RNLS: variants seen among roughly 807,000 people sequenced by gnomAD.
The protein encoded by RNLS is renalase, FAD dependent amine oxidase, also known as renalase.
A neutral mutation model predicts 39.8 loss-of-function variants in RNLS; 39 were observed. That is an observed-to-expected ratio of 0.98 (90% confidence interval 0.76 to 1.28). RNLS has a LOEUF of 1.28. Ranked by LOEUF, RNLS falls within the 50% of genes most tolerant of loss-of-function variation. RNLS has a pLI of 0.00. For missense variants in RNLS, 410 were observed against 413.3 expected (o/e 0.99, Z 0.07); for synonymous variants, 147 against 150.7 (o/e 0.98, Z 0.18).
chr10:88,513,243 A>G (rs1846234755), intron 4 of RNLS, among the ~76,000 whole-genome samples: 1 of 152,116 alleles, frequency 6.6e-6, no homozygotes, highest in African/African-American at 2.4e-5. Flanking sequence ...ATTTCACTTC[A>G]TAATATATCT....
intron 6 of RNLS, among the ~76,000 whole-genome samples, chr10:88,296,642 G>A (rs953551724): frequency 2.6e-5 from 4 of 152,210 alleles, no homozygotes; most frequent in Middle Eastern, 3.4e-3. Context: ...GACAATAATG[G>A]AGAATAAAAA....
At chr10:88,511,970 T>C (rs1163572953) in intron 4 of RNLS, among the ~76,000 whole-genome samples, 2 of 152,200 alleles carry the variant, frequency 1.3e-5, no homozygotes, top group African/African-American at 2.4e-5. Context: ...AAACTGCTAT[T>C]GTGGATATTT....
chr10:88,542,547 G>A (rs1230047106), intron 4 of RNLS, among the ~76,000 whole-genome samples: 1 of 152,140 alleles, frequency 6.6e-6, no homozygotes, highest in Non-Finnish European at 1.5e-5. Context: ...CACAGAAAAG[G>A]TTAAATGATT....
intron 5 of RNLS, chr10:88,343,788 CTG>C: frequency 1.0e-6 from 1 of 985,374 alleles, no homozygotes. Flanking sequence ...GATTTTCAGT[CTG>C]TTGCAGCTTT....
chr10:88,336,608 G>A (rs568496326), intron 5 of RNLS, among the ~76,000 whole-genome samples: 1 of 152,210 alleles, frequency 6.6e-6, no homozygotes, highest in Non-Finnish European at 1.5e-5. Context: ...TACAAGTTTA[G>A]GAAATAATCT....
rs540314038 is a variant in RNLS at position 88,464,747 on chromosome 10, G to A, written c.527-102022C>T. 3.0e-5 allele frequency among the ~76,000 whole-genome samples: 4 copies of A among 134,132 alleles called. No homozygotes were observed. In the South Asian group the frequency reaches 7.5e-4, roughly 25 times the overall value. The allele number at this position is 134,132 out of a possible 152,430, so 88.0% of individuals were successfully genotyped here. On this transcript the variant is annotated intron_variant, in intron 4 of 6. Coordinates refer to ENST00000331772, the MANE Select transcript of RNLS (RefSeq NM_001031709.3). ...CTCCTCAAGTCATAAAACACTAACA[G>A]CAAAGAACTGAAAAAAAAATGTGCA...
chr10:88,344,761 A>G lies in RNLS; in HGVS notation c.700+17791T>C, dbSNP rs539203714. The stretch of plus-strand genomic sequence containing the variant: ...ATAGAAATCTATTTTAGTGAGGAAA[A>G]CTATATTTTAAATTCAAGGATGCTT... On this transcript the variant is annotated intron_variant, in intron 5 of 6. Coordinates refer to ENST00000331772, the MANE Select transcript of RNLS (RefSeq NM_001031709.3). Among the ~76,000 whole-genome samples the G allele has an allele frequency of 5.9e-5, 9 of 152,252 alleles. No individual in the cohort carries two copies. In the South Asian group the frequency reaches 1.2e-3, roughly 21 times the overall value.
the RNLS span, among the ~76,000 whole-genome samples, chr10:88,182,384 T>G: frequency 6.6e-6 from 1 of 152,298 alleles, no homozygotes; most frequent in Admixed American, 6.5e-5. Flanking sequence ...ATTTAACATT[T>G]TGGCTGTTTA....
intron 4 of RNLS, among the ~76,000 whole-genome samples, chr10:88,523,195 CT>C (rs1264397353): frequency 6.6e-6 from 1 of 152,012 alleles, no homozygotes; most frequent in African/African-American, 2.4e-5. Context: ...CTCAAGATTC[CT>C]TAAAGGGAGG....
chr10:88,535,678 T>C (rs1334506617), intron 4 of RNLS, among the ~76,000 whole-genome samples: 1 of 152,042 alleles, frequency 6.6e-6, no homozygotes, highest in Non-Finnish European at 1.5e-5. Context: ...CAGCTGAAGT[T>C]TGGGTCAGGG....
chr10:88,566,953 A>G (rs58724830), intron 4 of RNLS, among the ~76,000 whole-genome samples: 2,005 of 152,230 alleles, frequency 0.013, 47 homozygotes, highest in African/African-American at 0.045. Context: ...AAAAAATATA[A>G]AAGAGATGGC....
At chr10:88,217,597 C>T in the RNLS span, among the ~76,000 whole-genome samples, 1 of 152,002 alleles carries the variant, frequency 6.6e-6, no homozygotes, top group Admixed American at 6.6e-5. Context: ...CAGAGGGTCT[C>T]AGCTAGAAAG....
intron 5 of RNLS, among the ~76,000 whole-genome samples, chr10:88,359,148 A>T (rs1849430511): frequency 6.6e-6 from 1 of 152,058 alleles, no homozygotes; most frequent in African/African-American, 2.4e-5. Context: ...CCCCGTCTCT[A>T]CTACAAGTAC....
At chr10:88,522,625 T>C (rs937264595) in intron 4 of RNLS, among the ~76,000 whole-genome samples, 1 of 152,004 alleles carries the variant, frequency 6.6e-6, no homozygotes, top group Admixed American at 6.6e-5. Flanking sequence ...TCTATAAGGG[T>C]ACTTATTAGG....
intron 4 of RNLS, among the ~76,000 whole-genome samples, chr10:88,472,149 G>T (rs755543967): frequency 1.3e-5 from 2 of 152,186 alleles, no homozygotes; most frequent in African/African-American, 2.4e-5. Context: ...AATAACCCAG[G>T]CCTGCTGAGT....
chr10:88,203,456 G>GTATGTGTATA, the RNLS span, among the ~76,000 whole-genome samples: 2 of 1,210 alleles, frequency 1.7e-3, no homozygotes, highest in East Asian at 0.017. Context: ...GTGTGTGTGT[G>GTATGTGTATA]TATATATATA....
At chr10:88,308,699 G>C (rs1845124893) in intron 6 of RNLS, among the ~76,000 whole-genome samples, 1 of 152,178 alleles carries the variant, frequency 6.6e-6, no homozygotes, top group Non-Finnish European at 1.5e-5. Flanking sequence ...AACCATTGTG[G>C]AAGACAGTGT....
At chr10:88,309,424 G>C (rs772289148) in intron 6 of RNLS, 116 of 1,289,570 alleles carry the variant, frequency 9.0e-5, no homozygotes, top group Non-Finnish European at 1.1e-4. Flanking sequence ...GTAAACGTAC[G>C]GGTGGTCTCA....
intron 4 of RNLS, among the ~76,000 whole-genome samples, chr10:88,378,058 G>T (rs1044766214): frequency 6.6e-6 from 1 of 151,726 alleles, no homozygotes; most frequent in Admixed American, 6.6e-5. Flanking sequence ...GGTCAGGGTC[G>T]TCAATATCAC....
Sources: allele counts gnomAD v4.1 joint callset (sites outside exome capture counted in the v4.1 genomes callset), GRCh38; gene constraint gnomAD v4.1.1; transcripts MANE v1.5; gene names NCBI Gene and HGNC (gene_info 2026-07-23, HGNC 2026-07-21).